Variants in KBTBD12 observed in about 807,000 individuals in gnomAD.
KBTBD12 encodes the protein kelch repeat and BTB domain-containing protein 12.
KBTBD12 carries 53 observed loss-of-function variants against 58.7 expected under a neutral mutation model. That is an observed-to-expected ratio of 0.90 (90% CI 0.72 to 1.14). The LOEUF (loss-of-function observed/expected upper bound fraction) is 1.14, where lower values mean the gene tolerates loss of function less well. Ranked by LOEUF, KBTBD12 falls within the 50% of genes most tolerant of loss-of-function variation. The pLI is 0.00. For synonymous variants in KBTBD12, 236 were observed against 259.8 expected (o/e 0.91, Z 0.88); for missense variants, 704 against 751.3 (o/e 0.94, Z 0.74).
intron 4 of KBTBD12, among the ~76,000 whole-genome samples, chr3:127,942,639 T>TATATAACTATATATATAACTAC (rs1939978014): frequency 2.0e-5 from 3 of 148,200 alleles, no homozygotes; most frequent in East Asian, 1.9e-4. Context: ...TATATAACTA[T>TATATAACTATATATATAACTAC]ATATAACTAT....
In KBTBD12 at chr3:127,923,222, C is replaced by T. The variant is rs1263107123; in HGVS notation, c.161C>T (p.Pro54Leu). 3 of 1,613,756 alleles carry T rather than the reference C, an allele frequency of 1.9e-6. No individual in the cohort carries two copies. The highest frequency in any genetic ancestry group is 2.2e-5 in the East Asian group (1 of 44,870). ...AGACTGGTCCTGGCTGCATTTAGCC[C>T]TTATTTCAAAGCTATGTTCACCTGT... ...CHRLVLAAFS[P>L]YFKAMFTCGL... Residue 54 changes from proline (P) to leucine (L), a missense_variant, in exon 2 of 6, where the codon CCT (proline) becomes CTT (leucine). Coordinates refer to ENST00000405109, the MANE Select transcript of KBTBD12 (RefSeq NM_207335.4).
intron 1 of KBTBD12, among the ~76,000 whole-genome samples, chr3:127,921,205 A>C (rs1939398366): frequency 6.6e-6 from 1 of 152,162 alleles, no homozygotes; most frequent in Non-Finnish European, 1.5e-5. Flanking sequence ...CAGGTGAGAA[A>C]ACTAGAACAT....
intron 4 of KBTBD12, among the ~76,000 whole-genome samples, chr3:127,948,315 A>G (rs1940129945): frequency 6.8e-6 from 1 of 147,136 alleles, no homozygotes; most frequent in African/African-American, 2.6e-5. Context: ...GGGAGTCCCT[A>G]GTTCTGTCTT....
intron 4 of KBTBD12, among the ~76,000 whole-genome samples, chr3:127,934,806 T>C (rs910420830): frequency 1.3e-5 from 2 of 152,170 alleles, no homozygotes; most frequent in African/African-American, 4.8e-5. Flanking sequence ...GAATTCTGTA[T>C]CCAGGAAAAC....
intron 4 of KBTBD12, among the ~76,000 whole-genome samples, chr3:127,937,995 A>G (rs1939862353): frequency 6.6e-6 from 1 of 152,196 alleles, no homozygotes; most frequent in Admixed American, 6.5e-5. Flanking sequence ...AGACATTTTC[A>G]GATGAGGTAA....
rs578006101 is a variant in KBTBD12 at position 127,976,827 on chromosome 3, TTG to T, written c.1691-7262_1691-7261del. Among the ~76,000 whole-genome samples, 521 of 152,346 alleles carry T rather than the reference TTG, an allele frequency of 3.4e-3. 3 individuals carry two copies. The highest frequency in any genetic ancestry group is 0.024 in the Middle Eastern group (7 of 294). On this transcript the variant is annotated intron_variant, in intron 5 of 5. Coordinates refer to ENST00000405109, the MANE Select transcript of KBTBD12 (RefSeq NM_207335.4). ...ATGTACCACAGGACCTCTGTTCTTT[TTG>T]TGTGTGTTAGTTTGTTACACTTTTA...
chr3:127,931,732 A>G (rs1360254330), intron 4 of KBTBD12, among the ~76,000 whole-genome samples: 1 of 152,186 alleles, frequency 6.6e-6, no homozygotes, highest in Non-Finnish European at 1.5e-5. Flanking sequence ...AGGTAGATTT[A>G]AAAGAACTTG....
intron 2 of KBTBD12, among the ~76,000 whole-genome samples, chr3:127,926,394 A>T (rs1280530803): frequency 1.3e-5 from 2 of 152,214 alleles, no homozygotes; most frequent in Non-Finnish European, 2.9e-5. Flanking sequence ...TATATTACAG[A>T]TACCTATTCC....
rs371148477 is a variant in KBTBD12, at chr3:127,972,488, C to T, written c.1690+9102C>T. On this transcript the variant is annotated intron_variant, in intron 5 of 5. Coordinates refer to ENST00000405109, the MANE Select transcript of KBTBD12 (RefSeq NM_207335.4). ...TGAATGCCTTTCTAGGTAGTAAGCC[C>T]ATGTTAAACCCCAAAGATACACATA... Among the ~76,000 whole-genome samples the T allele has an allele frequency of 1.5e-4, 23 of 152,242 alleles. No individual in the cohort carries two copies. The South Asian group carries it at 4.8e-3, about 32-fold the overall frequency.
intron 3 of KBTBD12, 137 bp from the exon 4 acceptor site, chr3:127,929,996 G>A: frequency 1.5e-6 from 1 of 679,208 alleles, no homozygotes; most frequent in South Asian, 1.9e-5. Context: ...CATGGGGTTT[G>A]GTGTGTTTGT....
intron 3 of KBTBD12, among the ~76,000 whole-genome samples, chr3:127,928,848 T>A (rs1939636284): frequency 6.6e-6 from 1 of 152,272 alleles, no homozygotes; most frequent in Non-Finnish European, 1.5e-5. Flanking sequence ...GCTATTTGCA[T>A]TCATTCCAGA....
intron 4 of KBTBD12, among the ~76,000 whole-genome samples, chr3:127,956,650 C>T (rs1029031767): frequency 3.3e-5 from 5 of 152,190 alleles, no homozygotes; most frequent in South Asian, 2.1e-4. Flanking sequence ...TGTTACTGCG[C>T]GTGGATGAGA....
Position 127,949,171 on chromosome 3 carries a change from A to T in KBTBD12, c.1493-14018A>T, listed in dbSNP as rs138611069. Among the ~76,000 whole-genome samples, 1,270 of 152,320 alleles carry T rather than the reference A, an allele frequency of 8.3e-3. 17 individuals are homozygous for T. Among genetic ancestry groups the T allele is most frequent in the African/African-American group, 0.027 (1,135 of 41,568 alleles). ...ATACAAATCTAGGGGTTTGGAAAAG[A>T]TGTCACAGAGAGATTGACTCTGAGC... On this transcript the variant is annotated intron_variant, in intron 4 of 5. Transcript: ENST00000405109.
intron 1 of KBTBD12, among the ~76,000 whole-genome samples, chr3:127,920,702 C>CTGTCAAAA (rs1432357255): frequency 6.6e-6 from 1 of 151,972 alleles, no homozygotes; most frequent in Non-Finnish European, 1.5e-5. Flanking sequence ...TTTTGCACCA[C>CTGTCAAAA]ATTAATATTT....
chr3:127,984,085 G>A lies in KBTBD12; in HGVS notation c.1691-12G>A. The A allele has an allele frequency of 6.2e-7, 1 of 1,610,044 alleles. No homozygotes were observed. Among genetic ancestry groups the A allele is most frequent in the South Asian group, 1.1e-5 (1 of 90,538 alleles). Reference sequence around the variant, plus strand: ...CATGAGATTTTTGTCTTCCCACTTTGCTGTTTTTCAGATCGCCATGAGGTT... The same window carrying A: ...CATGAGATTTTTGTCTTCCCACTTTACTGTTTTTCAGATCGCCATGAGGTT... On this transcript the variant is annotated splice_polypyrimidine_tract_variant and intron_variant, in intron 5 of 5. Coordinates refer to ENST00000405109, the MANE Select transcript of KBTBD12 (RefSeq NM_207335.4).
chr3:127,938,763 T>C (rs1275602598), intron 4 of KBTBD12, among the ~76,000 whole-genome samples: 4 of 152,198 alleles, frequency 2.6e-5, no homozygotes, highest in Admixed American at 1.3e-4. Context: ...AAATATACTT[T>C]AAAGCAAAAT....
At chr3:127,952,069 C>T (rs1940217458) in intron 4 of KBTBD12, among the ~76,000 whole-genome samples, 1 of 152,060 alleles carries the variant, frequency 6.6e-6, no homozygotes, top group African/African-American at 2.4e-5. Flanking sequence ...AAAAAGTATC[C>T]CAAGTTATCA....
intron 4 of KBTBD12, among the ~76,000 whole-genome samples, chr3:127,936,018 A>G (rs561407466): frequency 6.6e-5 from 10 of 152,216 alleles, no homozygotes; most frequent in Non-Finnish European, 1.5e-4. Flanking sequence ...AGGAAAATAT[A>G]TCAATTATAA....
chr3:127,937,725 A>C (rs1939858621), intron 4 of KBTBD12, among the ~76,000 whole-genome samples: 1 of 152,144 alleles, frequency 6.6e-6, no homozygotes, highest in South Asian at 2.1e-4. Context: ...CAAGCACAAC[A>C]AACAAACAAG....
Sources: allele counts gnomAD v4.1 joint callset (sites outside exome capture counted in the v4.1 genomes callset), GRCh38; gene constraint gnomAD v4.1.1; transcripts MANE v1.5; gene names NCBI Gene and HGNC (gene_info 2026-07-23, HGNC 2026-07-21).